Variants in SUFU observed in about 807,000 individuals in gnomAD.
SUFU encodes the protein suppressor of fused homolog.
In SUFU, 7 loss-of-function variants were observed where a neutral mutation model predicts 58.9. The ratio of observed to expected loss-of-function variants is 0.12; its 90% CI spans 0.07 to 0.22. The LOEUF is 0.22. SUFU is among the 10% of genes least tolerant of loss of function. The pLI, the probability that SUFU is intolerant of heterozygous loss-of-function variation, is 1.00. For missense variants in SUFU, 451 were observed against 641.3 expected, an observed-to-expected ratio of 0.70 and a Z score of 3.20; for synonymous variants, 232 against 254.8, an observed-to-expected ratio of 0.91 and a Z score of 0.85.
Position 102,619,172 on chromosome 10 carries a change from C to A in SUFU, c.1296+1744C>A. 1 of 1,609,556 alleles carries A rather than the reference C, an allele frequency of 6.2e-7. No homozygotes were observed. The highest frequency in any genetic ancestry group is 1.3e-5 in the African/African-American group (1 of 74,954). On this transcript the variant is annotated intron_variant, in intron 10 of 11. Coordinates refer to ENST00000369902, the MANE Select transcript of SUFU (RefSeq NM_016169.4). This position sits in a 1 kb window ranked among gnomAD's most constrained non-coding sequence, Gnocchi z 4.2. ...TTTTCAGCAGCTCAAGAACCTTGGC[C>A]CCCACAGGACTTCGCAGATGTCACA... is the stretch of plus-strand genomic sequence containing the variant.
intron 2 of SUFU, among the ~76,000 whole-genome samples, chr10:102,522,813 T>C (rs1344842139): frequency 6.6e-6 from 1 of 152,168 alleles, no homozygotes; most frequent in Non-Finnish European, 1.5e-5. Flanking sequence ...ATTGTCATCG[T>C]TGGGACACAG....
At position 102,532,499 on chromosome 10, in the gene SUFU, C is replaced by T. The variant is rs1049251191; in HGVS notation, c.318-17471C>T. 2.0e-4 allele frequency among the ~76,000 whole-genome samples: 31 copies of T among 152,186 alleles called. No homozygotes were observed. The East Asian group carries it at 2.1e-3, about 10-fold the overall frequency. ...CTAAGGCTGTGGTCAGAGTGTCAGG[C>T]GGGCTGCATCCTCATCTGGGGCTCC... On this transcript the variant is annotated intron_variant, in intron 2 of 11. Coordinates refer to ENST00000369902, the MANE Select transcript of SUFU (RefSeq NM_016169.4).
chr10:102,565,693 C>T (rs1453426165), intron 3 of SUFU, among the ~76,000 whole-genome samples: 3 of 152,140 alleles, frequency 2.0e-5, no homozygotes, highest in Non-Finnish European at 2.9e-5. Flanking sequence ...TACAGGTGCC[C>T]GCCACCACGC....
chr10:102,603,950 A>G (rs1317503836), intron 8 of SUFU, among the ~76,000 whole-genome samples: 1 of 152,164 alleles, frequency 6.6e-6, no homozygotes, highest in East Asian at 1.9e-4. Flanking sequence ...CATCCAACTT[A>G]CCAGTGAATT....
intron 6 of SUFU, 116 bp from the exon 7 acceptor site, chr10:102,597,024 C>T (rs1323804205): frequency 8.0e-6 from 10 of 1,246,614 alleles, no homozygotes; most frequent in Admixed American, 1.7e-5. Flanking sequence ...GCATTTGTCC[C>T]ATGCTCAGCA....
chr10:102,549,466 C>G (rs1219037365), intron 2 of SUFU, among the ~76,000 whole-genome samples: 1 of 152,124 alleles, frequency 6.6e-6, no homozygotes, highest in Non-Finnish European at 1.5e-5. Flanking sequence ...CTGGTTCCTC[C>G]CTTTACACGT....
intron 8 of SUFU, among the ~76,000 whole-genome samples, chr10:102,602,724 C>G (rs1483607716): frequency 2.0e-5 from 3 of 152,178 alleles, no homozygotes; most frequent in Non-Finnish European, 2.9e-5. Flanking sequence ...AAGGCAGGCC[C>G]CCTGGGTAAC....
chr10:102,514,243 C>T (rs1273032300), intron 2 of SUFU, among the ~76,000 whole-genome samples: 1 of 151,982 alleles, frequency 6.6e-6, no homozygotes, highest in East Asian at 1.9e-4. Context: ...TTTCCTTCTC[C>T]TCACAGCCTG....
chr10:102,519,459 A>G (rs1162635274), intron 2 of SUFU, among the ~76,000 whole-genome samples: 2 of 149,602 alleles, frequency 1.3e-5, no homozygotes, highest in Non-Finnish European at 3.0e-5. Flanking sequence ...CCCACGAGGC[A>G]GAGGTTGCAG....
Position 102,550,063 on chromosome 10 carries a change from C to A in SUFU, c.411C>A (p.Pro137=), listed in dbSNP as rs946508687. The A allele has an allele frequency of 6.2e-7, 1 of 1,614,166 alleles. No homozygotes were observed. The highest frequency in any genetic ancestry group is 8.5e-7 in the Non-Finnish European group (1 of 1,180,040). ...ETGESAPPTW[P]AELMQGLARY... is the part of the protein sequence containing the mutation. Reference sequence around the variant, plus strand: ...GGGAGTCTGCCCCACCAACATGGCCCGCAGAGTTAATGCAGGGCTTGGCAC... The same window carrying A: ...GGGAGTCTGCCCCACCAACATGGCCAGCAGAGTTAATGCAGGGCTTGGCAC... Residue 137 remains proline, a synonymous_variant, in exon 3 of 12, where the codon CCC becomes CCA. Transcript: ENST00000369902.
rs543900459 is a variant in SUFU, at chr10:102,628,247, A to G, written c.1365+1004A>G. Among the ~76,000 whole-genome samples the G allele has an allele frequency of 4.6e-5, 7 of 152,310 alleles. No homozygotes were observed. Among genetic ancestry groups the G allele is most frequent in the Admixed American group, 2.6e-4 (4 of 15,298 alleles). On this transcript the variant is annotated intron_variant, in intron 11 of 11. Transcript: ENST00000369902. The surrounding 1 kb of genome is among the most constrained non-coding windows in gnomAD (Gnocchi z 4.5). The stretch of plus-strand genomic sequence containing the variant: ...GCCAGGACACAGGCCTCTGGTGTTT[A>G]GGAAGCTGAGGGGAGTGCACAGGGC...
chr10:102,535,980 A>G (rs2062735896), intron 2 of SUFU, among the ~76,000 whole-genome samples: 1 of 149,082 alleles, frequency 6.7e-6, no homozygotes, highest in African/African-American at 2.4e-5. Context: ...GTTGTTGATG[A>G]TTTTAAGACA....
At chr10:102,579,604 G>T (rs2063251771) in intron 3 of SUFU, among the ~76,000 whole-genome samples, 1 of 152,184 alleles carries the variant, frequency 6.6e-6, no homozygotes, top group African/African-American at 2.4e-5. Context: ...GGCTAGCTGT[G>T]CGATTCCTTT....
rs140582435 is a variant in SUFU, at chr10:102,595,762, C to T, written c.757-1378C>T. ...CTGTATTCACTGTGCCTTTCTGGGG[C>T]CTGCTTGCTATCAGTCTCTTTAGAG... is the stretch of plus-strand genomic sequence containing the variant. On this transcript the variant is annotated intron_variant, in intron 6 of 11. Transcript: ENST00000369902. Among the ~76,000 whole-genome samples, 270 of 152,284 alleles carry T rather than the reference C, an allele frequency of 1.8e-3. 1 individual carries two copies. Among genetic ancestry groups the T allele is most frequent in the South Asian group, 4.4e-3 (21 of 4,818 alleles).
chr10:102,510,457 C>T (rs146007140), intron 2 of SUFU, among the ~76,000 whole-genome samples: 6,582 of 140,018 alleles, frequency 0.047, 456 homozygotes, highest in African/African-American at 0.16. Context: ...ATCTGCCTGC[C>T]TCGGCCTCCC....
chr10:102,522,982 C>T (rs997090172), intron 2 of SUFU, among the ~76,000 whole-genome samples: 6 of 152,120 alleles, frequency 3.9e-5, no homozygotes, highest in Non-Finnish European at 7.3e-5. Context: ...TCCTCTTCAG[C>T]AGTCCATGGC....
chr10:102,619,239 A>G lies in SUFU; in HGVS notation c.1296+1811A>G, dbSNP rs2063719108. ...TGAATGCCCTTCGGACCCAACCCCA[A>G]TTCCCCAAGCCCCTGACCCCCTAGC... On this transcript the variant is annotated intron_variant, in intron 10 of 11. Coordinates refer to ENST00000369902, the MANE Select transcript of SUFU (RefSeq NM_016169.4). This position sits in a 1 kb window ranked among gnomAD's most constrained non-coding sequence, Gnocchi z 4.2. 1.0e-5 allele frequency: 15 copies of G among 1,501,202 alleles called. No individual in the cohort carries two copies. The highest frequency in any genetic ancestry group is 2.2e-4 in the Middle Eastern group (1 of 4,526). 93.0% of individuals were successfully genotyped at this position (1,501,202 alleles called of 1,614,324 possible).
intron 3 of SUFU, among the ~76,000 whole-genome samples, chr10:102,560,307 C>T (rs1312134888): frequency 1.3e-5 from 2 of 152,100 alleles, no homozygotes; most frequent in Admixed American, 6.6e-5. Flanking sequence ...CAGTGGCTCA[C>T]ACCTGTAATC....
rs1430463028 is a variant in SUFU, at chr10:102,633,195, A to C, written c.*3040A>C. On this transcript the variant is annotated 3_prime_UTR_variant, in exon 12 of 12. Transcript: ENST00000369902. ...TTCTGGCTTCTAGGACATCCATGCC[A>C]GGTGAGGTGCCTGGGTCCCTGTTAC... 1.3e-5 allele frequency: 3 copies of C among 233,250 alleles called. No homozygotes were observed. The highest frequency in any genetic ancestry group is 2.2e-5 in the African/African-American group (1 of 45,328). 14.4% of individuals were successfully genotyped at this position (233,250 alleles called of 1,614,324 possible).
Sources: gnomAD v4.1 joint callset for allele counts (sites outside exome capture counted in the v4.1 genomes callset) on GRCh38, gnomAD v4.1.1 for gene constraint, Gnocchi (gnomAD v3.1) non-coding constraint, MANE v1.5 for transcripts, NCBI Gene and HGNC (gene_info 2026-07-23, HGNC 2026-07-21) for gene names.